The following EIF2B5 variants were observed in gnomAD, a reference collection of about 807,000 sequenced individuals.
EIF2B5 encodes translation initiation factor eIF2B subunit epsilon.
A neutral mutation model predicts 87.3 loss-of-function variants in EIF2B5; 38 were observed. That is an observed-to-expected ratio of 0.44 (90% CI 0.34 to 0.57). The LOEUF is 0.57. EIF2B5 is among the 20% of genes least tolerant of loss of function. The pLI, the probability that EIF2B5 is intolerant of heterozygous loss-of-function variation, is 0.02. For synonymous variants in EIF2B5, 313 were observed against 339.6 expected, an observed-to-expected ratio of 0.92 and a Z score of 0.86; for missense variants, 784 against 909.5, an observed-to-expected ratio of 0.86 and a Z score of 1.78.
intron 14 of EIF2B5, among the ~76,000 whole-genome samples, 177 bp from the exon 15 acceptor site, chr3:184,144,420 A>G (rs755732808): frequency 1.3e-5 from 2 of 152,194 alleles, no homozygotes; most frequent in Non-Finnish European, 2.9e-5. Flanking sequence ...GGAAATGTGC[A>G]AAGCTCTCCC....
rs1475568601 is a variant in EIF2B5 at position 184,140,522 on chromosome 3, A to C, written c.948A>C (p.Arg316=). 1.2e-6 allele frequency: 2 copies of C among 1,613,984 alleles called. No individual in the cohort carries two copies. The highest frequency in any genetic ancestry group is 1.7e-6 in the Non-Finnish European group (2 of 1,180,022). The change falls in exon 7 of 16, where the codon CGA becomes CGC. Residue 316 remains arginine (R), a synonymous_variant. Coordinates refer to ENST00000648915, the MANE Select transcript of EIF2B5 (RefSeq NM_003907.3). ...CTGTCTGTGCTGACGTCATCCGCCGATGGGTCTACCCTCTCACCCCAGAGG... is the reference window on the plus strand; with the variant it reads ...CTGTCTGTGCTGACGTCATCCGCCGCTGGGTCTACCCTCTCACCCCAGAGG... The part of the protein sequence containing the change: ...YSAVCADVIR[R]WVYPLTPEAN...
Position 184,144,164 on chromosome 3 carries a change from G to A in EIF2B5, c.1935G>A (p.Ala645=), listed in dbSNP as rs772251891. Residue 645 remains alanine, a synonymous_variant, in exon 14 of 16, where the codon GCG becomes GCA. Coordinates refer to ENST00000648915, the MANE Select transcript of EIF2B5 (RefSeq NM_003907.3). ...AGCGCGCAGCCGACCATTTGGAAGC[G>A]TTAGCAGCCATTGAGGACTTCTTCC... The part of the protein sequence containing the change: ...YIKRAADHLE[A]LAAIEDFFLE... 38 of 1,614,104 alleles carry A rather than the reference G, an allele frequency of 2.4e-5. No homozygotes were observed. Among genetic ancestry groups the A allele is most frequent in the African/African-American group, 6.7e-5 (5 of 74,934 alleles).
Position 184,142,472 on chromosome 3 carries a change from G to A in EIF2B5, c.1445-30G>A, listed in dbSNP as rs1713682224. On this transcript the variant is annotated intron_variant, in intron 9 of 15. Transcript: ENST00000648915. The surrounding 1 kb of genome is among the most constrained non-coding windows in gnomAD (Gnocchi z 5.0). ...CTGGAGGGATTGGTGCTTCCGCCGGGCCCTCTCTATAGATCATTGCCTTTT... is the reference window on the plus strand; with the variant it reads ...CTGGAGGGATTGGTGCTTCCGCCGGACCCTCTCTATAGATCATTGCCTTTT... 3.1e-6 allele frequency: 5 copies of A among 1,614,068 alleles called. No individual in the cohort carries two copies. Among genetic ancestry groups the A allele is most frequent in the Non-Finnish European group, 3.4e-6 (4 of 1,179,984 alleles).
chr3:184,143,211 T>G, intron 12 of EIF2B5, 69 bp downstream of exon 12: 1 of 1,560,626 alleles, frequency 6.4e-7, no homozygotes, highest in Non-Finnish European at 8.8e-7. Flanking sequence ...CGTAAGTGTT[T>G]TGTCTCCAAA....
rs1057521084 is a variant in EIF2B5 at position 184,137,679 on chromosome 3, T to C, written c.380T>C (p.Leu127Pro). ...LNVVRIITSE[L>P]YRSLGDVLRD... ...GTGGTTCGAATAATTACATCAGAGCTCTATCGATCACTGGGAGATGTCCTC... is the reference window on the plus strand; with the variant it reads ...GTGGTTCGAATAATTACATCAGAGCCCTATCGATCACTGGGAGATGTCCTC... The change falls in exon 3 of 16, where the codon CTC becomes CCC. Residue 127 changes from leucine to proline, a missense_variant. Physicochemically the swap from Leu to Pro is moderately conservative, Grantham distance 98 (BLOSUM62 -3). Around this residue, in one of 3 missense-constraint regions of EIF2B5, gnomAD observed 660 missense variants for 789.5 expected, o/e 0.84. Transcript: ENST00000648915. 5.0e-6 allele frequency: 8 copies of C among 1,614,198 alleles called. No homozygotes were observed. Among genetic ancestry groups the C allele is most frequent in the Non-Finnish European group, 5.9e-6 (7 of 1,180,032 alleles).
Position 184,136,596 on chromosome 3 carries a change from A to G in EIF2B5, c.196-16A>G. 6.2e-7 allele frequency: 1 copy of G among 1,613,962 alleles called. No homozygotes were observed. The highest frequency in any genetic ancestry group is 1.7e-5 in the Admixed American group (1 of 60,016). ...GATTCGAGACCTCAAGTTTTTTTTC[A>G]TCTTGTATCCTTCAGGTCCTCTTGC... On this transcript the variant is annotated splice_polypyrimidine_tract_variant and intron_variant, in intron 1 of 15. Coordinates refer to ENST00000648915, the MANE Select transcript of EIF2B5 (RefSeq NM_003907.3).
intron 1 of EIF2B5, among the ~76,000 whole-genome samples, chr3:184,136,227 G>A (rs1713352544): frequency 1.3e-5 from 2 of 152,218 alleles, no homozygotes; most frequent in South Asian, 4.1e-4. Context: ...ACAAGTGACG[G>A]GAGATGGCTA....
chr3:184,142,524 A>G lies in EIF2B5; in HGVS notation c.1467A>G (p.Gly489=). The G allele has an allele frequency of 6.2e-7, 1 of 1,614,142 alleles. No individual in the cohort carries two copies. The highest frequency in any genetic ancestry group is 1.1e-5 in the South Asian group (1 of 91,078). The change falls in exon 10 of 16, where the codon GGA becomes GGG. Residue 489 remains glycine, a synonymous_variant. Coordinates refer to ENST00000648915, the MANE Select transcript of EIF2B5 (RefSeq NM_003907.3). This position sits in a 1 kb window ranked among gnomAD's most constrained non-coding sequence, Gnocchi z 5.0. Reference sequence around the variant, plus strand: ...CAGGTTACAATCCAGCAGAAGTAGGAGCTGCTGGCAAGGGCTACCTCTGGA... The same window carrying G: ...CAGGTTACAATCCAGCAGAAGTAGGGGCTGCTGGCAAGGGCTACCTCTGGA... ...KMKGYNPAEV[G]AAGKGYLWKA... is the part of the protein sequence containing the mutation.
In EIF2B5 at chr3:184,140,516, C is replaced by G; in HGVS notation, c.942C>G (p.Ile314Met). The G allele has an allele frequency of 6.2e-7, 1 of 1,614,186 alleles. No individual in the cohort carries two copies. Among genetic ancestry groups the G allele is most frequent in the Non-Finnish European group, 8.5e-7 (1 of 1,180,036 alleles). Residue 314 changes from isoleucine (I) to methionine (M), a missense_variant, in exon 7 of 16, where the codon ATC (isoleucine) becomes ATG (methionine). This residue lies in a region of EIF2B5 where 660 missense variants were observed against 789.5 expected (regional missense o/e 0.84). Transcript: ENST00000648915. ...ACTCAGCTGTCTGTGCTGACGTCAT[C>G]CGCCGATGGGTCTACCCTCTCACCC... Reference protein sequence around the residue: ...HMYSAVCADVIRRWVYPLTPE... With the variant: ...HMYSAVCADVMRRWVYPLTPE...
rs113994084 is a variant in EIF2B5 at position 184,144,113 on chromosome 3, G to T, written c.1884G>T (p.Trp628Cys). 1 of 1,614,182 alleles carries T rather than the reference G, an allele frequency of 6.2e-7. No homozygotes were observed. The highest frequency in any genetic ancestry group is 8.5e-7 in the Non-Finnish European group (1 of 1,180,036). ...CALLLPLLKA[W>C]SPVFRNYIKR... ...TTCTTCCATAGCTGCTAAAGGCCTG[G>T]AGCCCTGTTTTTAGGAACTACATAA... is the stretch of plus-strand genomic sequence containing the variant. The change falls in exon 14 of 16, where the codon TGG (tryptophan) becomes TGT (cysteine). Residue 628 changes from tryptophan (W) to cysteine (C), a missense_variant. Physicochemically the swap from Trp to Cys is radical, Grantham distance 215. Transcript: ENST00000648915.
chr3:184,144,141 C>T lies in EIF2B5; in HGVS notation c.1912C>T (p.Arg638Cys), dbSNP rs541227484. 2.2e-5 allele frequency: 36 copies of T among 1,614,080 alleles called. No individual in the cohort carries two copies. Among genetic ancestry groups the T allele is most frequent in the African/African-American group, 4.0e-5 (3 of 74,918 alleles). ...WSPVFRNYIK[R>C]AADHLEALAA... ...CCCTGTTTTTAGGAACTACATAAAG[C>T]GCGCAGCCGACCATTTGGAAGCGTT... The change falls in exon 14 of 16, where the codon CGC becomes TGC. Residue 638 changes from arginine (R) to cysteine (C), a missense_variant. Physicochemically the swap from Arg to Cys is radical, Grantham distance 180 (BLOSUM62 -3). Coordinates refer to ENST00000648915, the MANE Select transcript of EIF2B5 (RefSeq NM_003907.3).
chr3:184,140,401 C>T lies in EIF2B5; in HGVS notation c.844-17C>T. Reference sequence around the variant, plus strand: ...TGTCTTTCTTGCTTAGGTGACCTCCCTTTCCTTCTCATTCAGATCCTAGGG... The same window carrying T: ...TGTCTTTCTTGCTTAGGTGACCTCCTTTTCCTTCTCATTCAGATCCTAGGG... On this transcript the variant is annotated splice_polypyrimidine_tract_variant and intron_variant, in intron 6 of 15. Coordinates refer to ENST00000648915, the MANE Select transcript of EIF2B5 (RefSeq NM_003907.3). 1.2e-6 allele frequency: 2 copies of T among 1,614,016 alleles called. No homozygotes were observed. Among genetic ancestry groups the T allele is most frequent in the Non-Finnish European group, 1.7e-6 (2 of 1,179,966 alleles).
At chr3:184,136,822 G>A in intron 2 of EIF2B5, 86 bp downstream of exon 2, 1 of 1,575,580 alleles carries the variant, frequency 6.3e-7, no homozygotes, top group African/African-American at 1.3e-5. Flanking sequence ...AAATGTGAGA[G>A]GGGAAAAATG....
At chr3:184,143,998 C>T in intron 13 of EIF2B5, 101 bp from the exon 14 acceptor site, 1 of 1,547,338 alleles carries the variant, frequency 6.5e-7, no homozygotes, top group Non-Finnish European at 8.9e-7. Context: ...CCTGTATCAT[C>T]TCCCTTTTGT....
intron 6 of EIF2B5, 119 bp downstream of exon 6, chr3:184,140,276 G>A: frequency 3.6e-6 from 5 of 1,388,770 alleles, no homozygotes; most frequent in Non-Finnish European, 4.1e-6. Flanking sequence ...GGAAAAGCAG[G>A]GGACAGGAGG....
In EIF2B5 at chr3:184,140,604, C is replaced by T. The variant is rs1560108537; in HGVS notation, c.1030C>T (p.Arg344Ter). The T allele has an allele frequency of 7.4e-6, 12 of 1,614,146 alleles. No homozygotes were observed. Among genetic ancestry groups the T allele is most frequent in the Middle Eastern group, 1.6e-4 (1 of 6,062 alleles). Residue 344 changes from arginine to a stop codon, truncating the protein, a stop_gained, in exon 7 of 16, where the codon CGA (arginine) becomes TGA (stop). Coordinates refer to ENST00000648915, the MANE Select transcript of EIF2B5 (RefSeq NM_003907.3). LOFTEE classifies it high-confidence loss of function. ...SCTHSRHNIY[R>*]GPEVSLGHGS... ...CACTCATTCCCGGCACAACATCTAC[C>T]GAGGGCCTGAGGTCAGCCTGGGCCA...
intron 5 of EIF2B5, among the ~76,000 whole-genome samples, chr3:184,139,270 AT>A (rs1196978595): frequency 5.3e-3 from 256 of 48,006 alleles, no homozygotes; most frequent in East Asian, 0.017. Flanking sequence ...TGCACCCAGC[AT>A]TTTTTTTTTT....
At position 184,142,770 on chromosome 3, in the gene EIF2B5, G is replaced by T. The variant is rs1222224080; in HGVS notation, c.1547-9G>T. ...TTTTTCTTTTTCCTCACCCATTATG[G>T]CTTCTCAGGACTCAAGATCAACATG... On this transcript the variant is annotated splice_polypyrimidine_tract_variant and intron_variant, in intron 10 of 15. Coordinates refer to ENST00000648915, the MANE Select transcript of EIF2B5 (RefSeq NM_003907.3). The surrounding 1 kb of genome is among the most constrained non-coding windows in gnomAD (Gnocchi z 5.0). The T allele has an allele frequency of 6.2e-7, 1 of 1,612,630 alleles. No homozygotes were observed. The highest frequency in any genetic ancestry group is 8.5e-7 in the Non-Finnish European group (1 of 1,179,360).
chr3:184,137,557 G>T (rs937851047), intron 2 of EIF2B5, 63 bp from the exon 3 acceptor site: 8 of 1,560,812 alleles, frequency 5.1e-6, no homozygotes, highest in African/African-American at 1.4e-5. Flanking sequence ...GGTGAAAAAT[G>T]GGGAAGGCTC....
Sources: gnomAD v4.1 joint callset for allele counts (sites outside exome capture counted in the v4.1 genomes callset) on GRCh38, gnomAD v4.1.1 for gene constraint, gnomAD v4.1.1 regional missense constraint, Gnocchi (gnomAD v3.1) non-coding constraint, MANE v1.5 for transcripts, NCBI Gene and HGNC (gene_info 2026-07-23, HGNC 2026-07-21) for gene names.